Variants in CP observed in about 807,000 individuals in gnomAD.
CP encodes the protein caeruloplasmin.
A neutral mutation model predicts 122.4 loss-of-function variants in CP; 64 were observed. That is an observed-to-expected ratio of 0.52 (90% CI 0.43 to 0.64). CP has a LOEUF of 0.64. CP is among the 30% of genes least tolerant of loss of function. The pLI, the probability that CP is intolerant of heterozygous loss-of-function variation, is 0.00. For missense variants in CP, 1,167 were observed against 1,284.4 expected, an observed-to-expected ratio of 0.91 and a Z score of 1.40; for synonymous variants, 440 against 436.4, an observed-to-expected ratio of 1.01 and a Z score of -0.10.
chr3:149,199,729 T>C lies in CP; in HGVS notation c.1484A>G (p.Tyr495Cys). The stretch of plus-strand genomic sequence containing the variant: ...ATACTCACTTCTGCTCTGGGGGTTG[T>C]AATTTGGGGAATAGTATGTGCCCTC... ...NNEGTYYSPN[Y>C]NPQSRSVPPS... is the part of the protein sequence containing the mutation. Residue 495 changes from tyrosine to cysteine, a missense_variant, in exon 8 of 19, where the codon TAC (tyrosine) becomes TGC (cysteine). Around this residue, in one of 2 missense-constraint regions of CP, gnomAD observed 642 missense variants for 627.3 expected, o/e 1.02. Transcript: ENST00000264613. 1 of 1,614,110 alleles carries C rather than the reference T, an allele frequency of 6.2e-7. No individual in the cohort carries two copies. The highest frequency in any genetic ancestry group is 8.5e-7 in the Non-Finnish European group (1 of 1,180,010).
intron 18 of CP, among the ~76,000 whole-genome samples, chr3:149,175,354 T>C (rs1416669713): frequency 6.6e-6 from 1 of 152,196 alleles, no homozygotes; most frequent in African/African-American, 2.4e-5. Flanking sequence ...TAGTTTTTCA[T>C]GATGTAAGTT....
intron 6 of CP, among the ~76,000 whole-genome samples, chr3:149,205,030 T>C (rs2108284747): frequency 6.6e-6 from 1 of 151,910 alleles, no homozygotes; most frequent in African/African-American, 2.4e-5. Context: ...AAATCCCACT[T>C]CAAAAATGGC....
chr3:149,212,354 T>C (rs990882476), intron 2 of CP, 97 bp downstream of exon 2: 1 of 1,312,938 alleles, frequency 7.6e-7, no homozygotes, highest in African/African-American at 1.5e-5. Context: ...ATGGCAGTTA[T>C]ATGTCTTATC....
chr3:149,212,627 A>C lies in CP; in HGVS notation c.218T>G (p.Leu73Arg). 1 of 1,613,972 alleles carries C rather than the reference A, an allele frequency of 6.2e-7. No homozygotes were observed. Among genetic ancestry groups the C allele is most frequent in the South Asian group, 1.1e-5 (1 of 91,046 alleles). The change falls in exon 2 of 19, where the codon CTT becomes CGT. Residue 73 changes from leucine (L) to arginine (R), a missense_variant. Physicochemically the swap from Leu to Arg is moderately radical, Grantham distance 102. Transcript: ENST00000264613. ...CCTAAAGGTTTCATCTGTGTACTGA[A>C]GATAAAGGGCCTTCTTATATAGTCT... The part of the protein sequence containing the change: ...IGRLYKKALY[L>R]QYTDETFRTT...
At chr3:149,178,327 A>G in intron 16 of CP, 88 bp downstream of exon 16, 1 of 1,107,648 alleles carries the variant, frequency 9.0e-7, no homozygotes, top group East Asian at 2.5e-5. Context: ...TTTTAAGACA[A>G]AACAAATGAA....
At chr3:149,162,723 C>T in exon 6 of CP, 2 of 1,614,046 alleles carry the variant, frequency 1.2e-6, no homozygotes, top group African/African-American at 1.3e-5. Context: ...TACAATTCCT[C>T]AGCTCTTGGT....
At chr3:149,203,755 G>A (rs1727510485) in intron 6 of CP, among the ~76,000 whole-genome samples, 1 of 152,226 alleles carries the variant, frequency 6.6e-6, no homozygotes, top group African/African-American at 2.4e-5. Context: ...ATCCTGCTAT[G>A]TGTTGATGAC....
chr3:149,196,271 A>G (rs1726892950), intron 9 of CP, among the ~76,000 whole-genome samples: 1 of 152,238 alleles, frequency 6.6e-6, no homozygotes, highest in Non-Finnish European at 1.5e-5. Flanking sequence ...AGATACAAAT[A>G]TAAGATTGAT....
At chr3:149,212,786 GAAAT>G in intron 1 of CP, 88 bp from the exon 2 acceptor site, 1 of 1,436,338 alleles carries the variant, frequency 7.0e-7, no homozygotes, top group Middle Eastern at 2.4e-4. Context: ...TATAATTAGA[GAAAT>G]TAATGAGCAC....
Position 149,212,543 on chromosome 3 carries a change from G to A in CP, c.302C>T (p.Thr101Ile), listed in dbSNP as rs762539222. ...GFLGPIIKAETGDKVYVHLKN... is the reference protein window; with the variant it reads ...GFLGPIIKAEIGDKVYVHLKN... ...TAAGTGTACATAAACTTTATCTCCA[G>A]TTTCAGCTTTGATAATAGGGCCTAA... Residue 101 changes from threonine to isoleucine, a missense_variant, in exon 2 of 19, where the codon ACT becomes ATT. Thr to Ile is a moderately conservative substitution (Grantham distance 89). Transcript: ENST00000264613. 1 of 1,614,000 alleles carries A rather than the reference G, an allele frequency of 6.2e-7. No individual in the cohort carries two copies. The highest frequency in any genetic ancestry group is 2.2e-5 in the East Asian group (1 of 44,840).
chr3:149,193,393 T>C (rs1726673668), intron 9 of CP, among the ~76,000 whole-genome samples: 1 of 152,218 alleles, frequency 6.6e-6, no homozygotes, highest in Admixed American at 6.5e-5. Flanking sequence ...TGCATTCAGA[T>C]CATGAAATAC....
chr3:149,177,234 C>A (rs1040147746), intron 17 of CP, among the ~76,000 whole-genome samples: 1 of 152,190 alleles, frequency 6.6e-6, no homozygotes, highest in Non-Finnish European at 1.5e-5. Context: ...GTGGTCTCTA[C>A]TCTCATCCAT....
chr3:149,197,956 C>A (rs1727011257), intron 9 of CP, among the ~76,000 whole-genome samples: 1 of 152,100 alleles, frequency 6.6e-6, no homozygotes, highest in African/African-American at 2.4e-5. Flanking sequence ...ATGTTGGGGA[C>A]CCCTGTGTTA....
chr3:149,195,391 T>G (rs1469650693), intron 9 of CP, among the ~76,000 whole-genome samples: 1 of 152,228 alleles, frequency 6.6e-6, no homozygotes, highest in Non-Finnish European at 1.5e-5. Context: ...AGCTGTACAT[T>G]GTTTTGTATT....
intron 5 of CP, among the ~76,000 whole-genome samples, chr3:149,163,192 G>A (rs1046765089): frequency 1.4e-4 from 22 of 152,174 alleles, no homozygotes; most frequent in African/African-American, 4.8e-4. Context: ...CCTCAGCAGA[G>A]GATCATTAAG....
downstream of CP, chr3:149,168,363 A>G (rs1724636959): frequency 4.8e-6 from 1 of 209,564 alleles, no homozygotes; most frequent in South Asian, 7.7e-5. Context: ...ATTATAAGCA[A>G]GTATTGATGA....
intron 13 of CP, among the ~76,000 whole-genome samples, 157 bp from the exon 14 acceptor site, chr3:149,182,290 T>C (rs1376303436): frequency 6.6e-6 from 1 of 152,186 alleles, no homozygotes; most frequent in Non-Finnish European, 1.5e-5. Context: ...ATCAATACAC[T>C]GGAAATAAAA....
chr3:149,180,751 G>A (rs560130244), intron 14 of CP, among the ~76,000 whole-genome samples: 1 of 152,206 alleles, frequency 6.6e-6, no homozygotes, highest in East Asian at 1.9e-4. Flanking sequence ...ACATATTACT[G>A]TCTGGCCATC....
rs1576771858 is a variant in CP at position 149,206,046 on chromosome 3, TA to T, written c.1208+121del. The T allele has an allele frequency of 5.9e-6, 5 of 841,168 alleles. No individual in the cohort carries two copies. In the East Asian group the frequency reaches 1.3e-4, roughly 22 times the overall value. The allele number at this position is 841,168 out of a possible 1,614,324, so 52.1% of individuals were successfully genotyped here. A position where few individuals can be genotyped will look rare whatever the true frequency, so the allele number is the denominator to read the frequency against. On this transcript the variant is annotated intron_variant, in intron 6 of 18. Transcript: ENST00000264613. ...TACATCAAATACCTTAATAAATATT[TA>T]GCAGTCTAGTTACTCAATTTCAGAT...
Sources: allele counts gnomAD v4.1 joint callset (sites outside exome capture counted in the v4.1 genomes callset), GRCh38; gene constraint gnomAD v4.1.1; regional missense constraint gnomAD v4.1.1; transcripts MANE v1.5; gene names NCBI Gene and HGNC (gene_info 2026-07-23, HGNC 2026-07-21).